The following COP1 variants were observed in gnomAD, a reference collection of about 807,000 sequenced individuals.
COP1 encodes COP1 E3 ubiquitin ligase.
In COP1, 24 loss-of-function variants were observed where a neutral mutation model predicts 101.3. The ratio of observed to expected loss-of-function variants is 0.24; its 90% CI spans 0.17 to 0.33. COP1 has a LOEUF of 0.33. Among genes scored for constraint, COP1 ranks in the 10% least tolerant of loss-of-function variants. The pLI is 1.00. For synonymous variants in COP1, 347 were observed against 341.9 expected (o/e 1.01, Z -0.17); for missense variants, 663 against 906.2 (o/e 0.73, Z 3.45).
At chr1:176,121,691 C>T (rs1047474302) in intron 8 of COP1, among the ~76,000 whole-genome samples, 3 of 152,050 alleles carry the variant, frequency 2.0e-5, no homozygotes, top group Admixed American at 6.6e-5. Context: ...CAAAATCCAA[C>T]TGAAAATTAA....
At chr1:176,005,512 C>G (rs866085733) in intron 15 of COP1, among the ~76,000 whole-genome samples, 3,456 of 152,230 alleles carry the variant, frequency 0.023, 85 homozygotes, top group Non-Finnish European at 0.026. Context: ...TCCCTCTACA[C>G]ACTGCTTTGA....
At chr1:176,205,837 G>C (rs1298462262) in intron 1 of COP1, among the ~76,000 whole-genome samples, 2 of 152,144 alleles carry the variant, frequency 1.3e-5, no homozygotes, top group Non-Finnish European at 1.5e-5. Context: ...AGTATACTCT[G>C]TTATCCAGTA....
intron 15 of COP1, among the ~76,000 whole-genome samples, chr1:175,990,377 A>G (rs1043868843): frequency 3.9e-5 from 6 of 152,106 alleles, no homozygotes; most frequent in African/African-American, 1.4e-4. Context: ...AGCATTTTAA[A>G]TTTATTGACT....
intron 15 of COP1, among the ~76,000 whole-genome samples, chr1:176,026,499 A>G (rs1667691950): frequency 6.6e-6 from 1 of 152,126 alleles, no homozygotes; most frequent in African/African-American, 2.4e-5. Context: ...TTTGTGACAA[A>G]GTAAGTATTT....
intron 18 of COP1, among the ~76,000 whole-genome samples, chr1:175,983,296 T>C (rs1236903071): frequency 6.6e-6 from 1 of 152,164 alleles, no homozygotes. Flanking sequence ...AAATGACTCA[T>C]GGGGGCAAGT....
chr1:176,120,988 G>A (rs145152506), intron 8 of COP1, among the ~76,000 whole-genome samples: 1 of 152,094 alleles, frequency 6.6e-6, no homozygotes, highest in Admixed American at 6.5e-5. Context: ...TTATGAATAA[G>A]AGAATCAAAG....
At chr1:176,082,676 C>T in intron 10 of COP1, among the ~76,000 whole-genome samples, 1 of 151,742 alleles carries the variant, frequency 6.6e-6, no homozygotes, top group East Asian at 1.9e-4. Context: ...TGTGCTGGAG[C>T]ATGCCTGTAA....
In COP1 at chr1:176,081,039, G is replaced by A. The variant is rs1349214962; in HGVS notation, c.1277+113C>T. ...GCCTAAAATCACAGAACTAATAATTGGCAGGCTACTTCAGAACCCACGCTT... is the reference window on the plus strand; with the variant it reads ...GCCTAAAATCACAGAACTAATAATTAGCAGGCTACTTCAGAACCCACGCTT... On this transcript the variant is annotated intron_variant, in intron 11 of 19. Transcript: ENST00000367669. 2.4e-5 allele frequency: 22 copies of A among 897,972 alleles called. No individual in the cohort carries two copies. In the East Asian group the frequency reaches 5.5e-4, roughly 22 times the overall value. The allele number at this position is 897,972 out of a possible 1,614,324, so 55.6% of individuals were successfully genotyped here.
chr1:175,970,277 T>C (rs1007999696), intron 18 of COP1, among the ~76,000 whole-genome samples: 1 of 151,984 alleles, frequency 6.6e-6, no homozygotes, highest in African/African-American at 2.4e-5. Context: ...GAAGCAGTGA[T>C]TGGGCTAAAA....
At chr1:175,974,114 T>C (rs1356511675) in intron 18 of COP1, among the ~76,000 whole-genome samples, 2 of 152,084 alleles carry the variant, frequency 1.3e-5, no homozygotes, top group East Asian at 3.8e-4. Flanking sequence ...GATAAACAAG[T>C]CTAGAACTAT....
intron 3 of COP1, among the ~76,000 whole-genome samples, chr1:176,174,588 A>G (rs1696645455): frequency 6.6e-6 from 1 of 152,216 alleles, no homozygotes; most frequent in African/African-American, 2.4e-5. Context: ...GAAGAGTAAC[A>G]GAGAAAAAAC....
In COP1 at chr1:176,135,083, T is replaced by C. The variant is rs41266110; in HGVS notation, c.895A>G (p.Met299Val). The change falls in exon 8 of 20, where the codon ATG (methionine) becomes GTG (valine). Residue 299 changes from methionine to valine, a missense_variant. Physicochemically the swap from Met to Val is conservative, Grantham distance 21. Coordinates refer to ENST00000367669, the MANE Select transcript of COP1 (RefSeq NM_022457.7). The stretch of plus-strand genomic sequence containing the variant: ...CTGACAGGAGAGTATAAGCCACTCA[T>C]TTCCTGAAAATAAAATTATTTGAAT... ...LEEDIKRVEE[M>V]SGLYSPVSED... The C allele has an allele frequency of 1.1e-3, 1,688 of 1,595,356 alleles. 1 individual carries two copies. The highest frequency in any genetic ancestry group is 1.0e-3 in the Non-Finnish European group (1,182 of 1,165,110).
At position 175,947,257 on chromosome 1, in the gene COP1, C is replaced by T; in HGVS notation, c.2134-18G>A. 6.3e-6 allele frequency: 10 copies of T among 1,587,706 alleles called. No homozygotes were observed. The highest frequency in any genetic ancestry group is 8.6e-6 in the Non-Finnish European group (10 of 1,156,196). On this transcript the variant is annotated intron_variant, in intron 18 of 19. Coordinates refer to ENST00000367669, the MANE Select transcript of COP1 (RefSeq NM_022457.7). ...TTGGACTCCTAGAAAAGAACAAGAG[C>T]TTTTAAAGTATAGAGAAGGATTTCC...
At chr1:176,016,389 T>A (rs1665650885) in intron 15 of COP1, among the ~76,000 whole-genome samples, 3 of 152,092 alleles carry the variant, frequency 2.0e-5, no homozygotes, top group Admixed American at 2.0e-4. Context: ...AAGTGAGTGG[T>A]CAACAGTGTT....
chr1:176,043,316 A>G, intron 13 of COP1, 49 bp from the exon 14 acceptor site: 2 of 1,142,054 alleles, frequency 1.8e-6, no homozygotes, highest in Middle Eastern at 4.0e-4. Flanking sequence ...CAGATCTCAA[A>G]ATGAATAAAG....
chr1:176,199,735 G>A (rs1237052110), intron 1 of COP1, among the ~76,000 whole-genome samples: 1 of 152,196 alleles, frequency 6.6e-6, no homozygotes, highest in Non-Finnish European at 1.5e-5. Flanking sequence ...TGACAGCAAT[G>A]CAAAGCAGAT....
chr1:176,154,206 C>T (rs1264791789), intron 5 of COP1, among the ~76,000 whole-genome samples: 1 of 152,070 alleles, frequency 6.6e-6, no homozygotes, highest in Non-Finnish European at 1.5e-5. Flanking sequence ...CTACTTATTA[C>T]TGATTTAATT....
intron 15 of COP1, among the ~76,000 whole-genome samples, chr1:176,008,050 G>A (rs188601431): frequency 0.021 from 3,230 of 152,288 alleles, 55 homozygotes; most frequent in Non-Finnish European, 0.034. Context: ...CTCGTGGTGC[G>A]CCGTTTTTTA....
At chr1:176,071,225 T>C (rs1676947361) in intron 11 of COP1, among the ~76,000 whole-genome samples, 1 of 151,980 alleles carries the variant, frequency 6.6e-6, no homozygotes, top group Non-Finnish European at 1.5e-5. Flanking sequence ...ACCTCCCCCC[T>C]CACTCTCTCT....
Sources: gnomAD v4.1 joint callset for allele counts (sites outside exome capture counted in the v4.1 genomes callset) on GRCh38, gnomAD v4.1.1 for gene constraint, MANE v1.5 for transcripts, NCBI Gene and HGNC (gene_info 2026-07-23, HGNC 2026-07-21) for gene names.